The following RAB3GAP1 variants were observed in gnomAD, a reference collection of about 807,000 sequenced individuals.
RAB3GAP1 encodes the protein RAB3 GTPase activating protein catalytic subunit 1.
Under a neutral mutation model 130.7 loss-of-function variants are expected in RAB3GAP1, and 86 were observed. The observed-to-expected ratio is 0.66, with a 90% CI of 0.55 to 0.79. RAB3GAP1 has a LOEUF of 0.79. Ranked by LOEUF, RAB3GAP1 falls within the 30% of genes least tolerant of loss-of-function variation. The pLI, the probability that RAB3GAP1 is intolerant of heterozygous loss-of-function variation, is 0.00. For missense variants in RAB3GAP1, 1,029 were observed against 1,169.4 expected (o/e 0.88, Z 1.75); for synonymous variants, 367 against 401.7 (o/e 0.91, Z 1.03).
chr2:135,124,057 G>A (rs1330803454), intron 8 of RAB3GAP1, 108 bp from the exon 9 acceptor site: 4 of 1,046,980 alleles, frequency 3.8e-6, no homozygotes, highest in Middle Eastern at 2.5e-4. Context: ...CTTGCTACAT[G>A]TGTTCTCTTG....
chr2:135,133,999 C>A lies in RAB3GAP1; in HGVS notation c.1465C>A (p.Arg489Ser). 6.2e-7 allele frequency: 1 copy of A among 1,613,842 alleles called. No individual in the cohort carries two copies. Among genetic ancestry groups the A allele is most frequent in the Non-Finnish European group, 8.5e-7 (1 of 1,179,796 alleles). The change falls in exon 15 of 24, where the codon CGT becomes AGT. Residue 489 changes from arginine (R) to serine (S), a missense_variant. Physicochemically the swap from Arg to Ser is moderately radical, Grantham distance 110 (BLOSUM62 -1). Coordinates refer to ENST00000264158, the MANE Select transcript of RAB3GAP1 (RefSeq NM_012233.3). ...CTGGCAGGAATTTGTTCTTGAAATGCGTTTCCGATGGGAAAACAACTTTCT... is the reference window on the plus strand; with the variant it reads ...CTGGCAGGAATTTGTTCTTGAAATGAGTTTCCGATGGGAAAACAACTTTCT... Reference protein sequence around the residue: ...HLWQEFVLEMRFRWENNFLIP... With the variant: ...HLWQEFVLEMSFRWENNFLIP...
intron 5 of RAB3GAP1, among the ~76,000 whole-genome samples, chr2:135,100,102 G>A (rs1428500990): frequency 2.0e-5 from 3 of 152,120 alleles, no homozygotes; most frequent in African/African-American, 7.2e-5. Context: ...TAATCTGGAT[G>A]CATGCCAGAG....
intron 11 of RAB3GAP1, among the ~76,000 whole-genome samples, chr2:135,128,391 G>T (rs902327000): frequency 6.6e-6 from 1 of 152,126 alleles, no homozygotes; most frequent in East Asian, 1.9e-4. Flanking sequence ...AGGGTTATTG[G>T]GAGGATCAAA....
intron 10 of RAB3GAP1, 149 bp from the exon 11 acceptor site, chr2:135,126,434 G>T: frequency 1.1e-6 from 1 of 890,034 alleles, no homozygotes; most frequent in Non-Finnish European, 1.8e-6. Context: ...TTATCCAAAT[G>T]GCTCCATGTA....
intron 17 of RAB3GAP1, among the ~76,000 whole-genome samples, chr2:135,143,478 A>G (rs1365679859): frequency 1.3e-5 from 2 of 151,362 alleles, no homozygotes; most frequent in Non-Finnish European, 2.9e-5. Context: ...TTTCCTTAGA[A>G]CTAATCTGCT....
intron 17 of RAB3GAP1, among the ~76,000 whole-genome samples, chr2:135,142,081 A>G (rs1321102840): frequency 1.3e-5 from 2 of 152,210 alleles, no homozygotes; most frequent in Non-Finnish European, 2.9e-5. Flanking sequence ...AAACAAACAC[A>G]TATTCAAAAT....
intron 3 of RAB3GAP1, among the ~76,000 whole-genome samples, chr2:135,060,125 A>G (rs1689124813): frequency 6.6e-6 from 1 of 152,170 alleles, no homozygotes; most frequent in South Asian, 2.1e-4. Context: ...CTTAATGTCA[A>G]CAATTAATAC....
At chr2:135,099,803 T>C (rs559955252) in intron 5 of RAB3GAP1, among the ~76,000 whole-genome samples, 2 of 152,280 alleles carry the variant, frequency 1.3e-5, no homozygotes, top group South Asian at 4.1e-4. Flanking sequence ...TATACCCATA[T>C]CCCTGAGAGG....
At chr2:135,140,335 G>T (rs1691802980) in intron 17 of RAB3GAP1, among the ~76,000 whole-genome samples, 1 of 152,146 alleles carries the variant, frequency 6.6e-6, no homozygotes, top group Non-Finnish European at 1.5e-5. Flanking sequence ...TGTCTAAGTG[G>T]TTGAACTAGT....
chr2:135,117,528 TCTGCTTCTTCTTCTG>T (rs1691025996), intron 7 of RAB3GAP1, among the ~76,000 whole-genome samples: 1 of 124,796 alleles, frequency 8.0e-6, no homozygotes. Flanking sequence ...TTCTGCTTCT[TCTGCTTCTTCTTCTG>T]CTTCTTCTTC....
chr2:135,077,802 G>A (rs183404392), intron 3 of RAB3GAP1, among the ~76,000 whole-genome samples: 1 of 152,232 alleles, frequency 6.6e-6, no homozygotes, highest in East Asian at 1.9e-4. Flanking sequence ...AATAATTAGT[G>A]ATGTTGAGCA....
At chr2:135,158,849 A>C (rs1281188511) in intron 19 of RAB3GAP1, among the ~76,000 whole-genome samples, 2 of 152,256 alleles carry the variant, frequency 1.3e-5, no homozygotes, top group African/African-American at 2.4e-5. Flanking sequence ...GATGGACCCA[A>C]CACCACTTAA....
chr2:135,058,904 A>G (rs970741408), intron 3 of RAB3GAP1: 2 of 152,146 alleles, frequency 1.3e-5, no homozygotes, highest in Non-Finnish European at 2.9e-5. Flanking sequence ...TATTAATTCA[A>G]TAGTAATTTA....
At chr2:135,079,901 G>A (rs1341691033) in intron 3 of RAB3GAP1, among the ~76,000 whole-genome samples, 4 of 152,054 alleles carry the variant, frequency 2.6e-5, no homozygotes, top group African/African-American at 9.7e-5. Flanking sequence ...AGGCCGAGGC[G>A]GGCGGATCAC....
intron 3 of RAB3GAP1, among the ~76,000 whole-genome samples, chr2:135,084,648 A>G (rs1487006892): frequency 6.6e-6 from 1 of 152,068 alleles, no homozygotes; most frequent in Non-Finnish European, 1.5e-5. Context: ...TTACTGGTTA[A>G]CATACTGGTT....
At chr2:135,056,876 ATTAG>A (rs776915076) in intron 2 of RAB3GAP1, among the ~76,000 whole-genome samples, 18 of 152,222 alleles carry the variant, frequency 1.2e-4, no homozygotes, top group South Asian at 2.1e-4. Context: ...ATTAGTTCAT[ATTAG>A]TTCATAATGT....
chr2:135,135,060 G>T (rs191120957), intron 15 of RAB3GAP1, among the ~76,000 whole-genome samples: 2 of 152,218 alleles, frequency 1.3e-5, no homozygotes, highest in African/African-American at 2.4e-5. Flanking sequence ...TTTGCTATTG[G>T]TGATTTGTGG....
chr2:135,100,717 T>C (rs1690425770), intron 5 of RAB3GAP1, among the ~76,000 whole-genome samples: 1 of 152,262 alleles, frequency 6.6e-6, no homozygotes, highest in African/African-American at 2.4e-5. Flanking sequence ...TTTAAACATT[T>C]ACTGTGATCC....
Position 135,135,310 on chromosome 2 carries a change from G to A in RAB3GAP1, c.1545G>A (p.Gln515=), listed in dbSNP as rs1338491973. The stretch of plus-strand genomic sequence containing the variant: ...ATCTGAGGTGTTGTTTACTGCATCA[G>A]AAACTACAGGTAAAGATTTCTCAAT... ...PPDLRCCLLH[Q]KLQMLNCCIE... The change falls in exon 16 of 24, where the codon CAG becomes CAA. Residue 515 remains glutamine (Q), a synonymous_variant. Transcript: ENST00000264158. 1 of 1,605,256 alleles carries A rather than the reference G, an allele frequency of 6.2e-7. No individual in the cohort carries two copies. The highest frequency in any genetic ancestry group is 8.5e-7 in the Non-Finnish European group (1 of 1,172,224).
Sources: allele counts gnomAD v4.1 joint callset (sites outside exome capture counted in the v4.1 genomes callset), GRCh38; gene constraint gnomAD v4.1.1; transcripts MANE v1.5; gene names NCBI Gene and HGNC (gene_info 2026-07-23, HGNC 2026-07-21).